SSBP3: variants seen among roughly 807,000 people sequenced by gnomAD.
SSBP3 encodes the protein single-stranded DNA-binding protein 3.
A neutral mutation model predicts 69.6 loss-of-function variants in SSBP3; 5 were observed. The ratio of observed to expected loss-of-function variants is 0.07; its 90% CI spans 0.04 to 0.15. SSBP3 has a LOEUF of 0.15. Ranked by LOEUF, SSBP3 falls within the 10% of genes least tolerant of loss-of-function variation. The probability of loss-of-function intolerance (pLI) is 1.00; values close to 1 mark genes in which losing one functional copy is unlikely to be tolerated. For missense variants in SSBP3, 312 were observed against 534.0 expected (o/e 0.58, Z 4.10); for synonymous variants, 196 against 193.4 (o/e 1.01, Z -0.11).
chr1:54,365,355 T>C (rs1647012730), intron 4 of SSBP3, among the ~76,000 whole-genome samples: 1 of 152,116 alleles, frequency 6.6e-6, no homozygotes, highest in Non-Finnish European at 1.5e-5. Flanking sequence ...TGTGCGTGTG[T>C]GTGTGTGTGT....
intron 4 of SSBP3, among the ~76,000 whole-genome samples, chr1:54,308,639 A>G (rs1446310039): frequency 1.3e-5 from 2 of 151,062 alleles, no homozygotes; most frequent in Non-Finnish European, 3.0e-5. Context: ...GTGGTGGCGC[A>G]CACCTGTAAT....
At chr1:54,378,902 C>G (rs909522275) in intron 4 of SSBP3, among the ~76,000 whole-genome samples, 2 of 152,232 alleles carry the variant, frequency 1.3e-5, no homozygotes, top group African/African-American at 4.8e-5. Flanking sequence ...ATTTCACTCA[C>G]ACAGCTCTGG....
At chr1:54,299,769 C>T (rs1271436039) in intron 4 of SSBP3, among the ~76,000 whole-genome samples, 1 of 151,358 alleles carries the variant, frequency 6.6e-6, no homozygotes, top group Non-Finnish European at 1.5e-5. Context: ...GTTTATTAGC[C>T]TTAATCTACT....
At chr1:54,387,298 T>C (rs992918605) in intron 4 of SSBP3, among the ~76,000 whole-genome samples, 1 of 152,192 alleles carries the variant, frequency 6.6e-6, no homozygotes, top group Admixed American at 6.5e-5. Flanking sequence ...ATTCGACTGC[T>C]TAAAGCTGAA....
At chr1:54,359,509 T>C (rs1241715853) in intron 4 of SSBP3, among the ~76,000 whole-genome samples, 2 of 152,154 alleles carry the variant, frequency 1.3e-5, no homozygotes, top group Non-Finnish European at 2.9e-5. Flanking sequence ...CTAGGATTCC[T>C]ACAGAGGACA....
chr1:54,350,271 T>A (rs1268890766), intron 4 of SSBP3, among the ~76,000 whole-genome samples: 2 of 152,210 alleles, frequency 1.3e-5, no homozygotes, highest in Non-Finnish European at 2.9e-5. Flanking sequence ...ATAATAATAG[T>A]GCCTCCCAAC....
intron 14 of SSBP3, among the ~76,000 whole-genome samples, chr1:54,231,355 G>A (rs1008363641): frequency 6.6e-6 from 1 of 152,202 alleles, no homozygotes; most frequent in Non-Finnish European, 1.5e-5. Flanking sequence ...TGTCCATTTA[G>A]ATCCTTGTCC....
intron 4 of SSBP3, among the ~76,000 whole-genome samples, chr1:54,289,027 AAAAAAAAAAC>A (rs1182196008): frequency 3.5e-4 from 27 of 76,144 alleles, no homozygotes; most frequent in Admixed American, 7.6e-4. Context: ...CTCCAAAAAA[AAAAAAAAAAC>A]AAAAAAACAA....
chr1:54,398,976 A>G (rs958948387), intron 4 of SSBP3, among the ~76,000 whole-genome samples: 1 of 152,232 alleles, frequency 6.6e-6, no homozygotes, highest in African/African-American at 2.4e-5. Context: ...TTTTCTAAAA[A>G]GTAGTTAAGG....
chr1:54,398,052 G>C (rs1649020564), intron 4 of SSBP3, among the ~76,000 whole-genome samples: 1 of 152,178 alleles, frequency 6.6e-6, no homozygotes, highest in African/African-American at 2.4e-5. Flanking sequence ...CTGTTTTGCA[G>C]GGATTCTTTA....
At chr1:54,398,356 C>T (rs369259848) in intron 4 of SSBP3, among the ~76,000 whole-genome samples, 18 of 152,374 alleles carry the variant, frequency 1.2e-4, no homozygotes, top group African/African-American at 4.3e-4. Context: ...AAAGGCCACT[C>T]ATTTCTTGGC....
At chr1:54,378,589 G>A (rs760774559) in intron 4 of SSBP3, among the ~76,000 whole-genome samples, 1 of 152,202 alleles carries the variant, frequency 6.6e-6, no homozygotes, top group African/African-American at 2.4e-5. Flanking sequence ...AACAGTCAAC[G>A]CCAAACTTCA....
At position 54,276,608 on chromosome 1, in the gene SSBP3, C is replaced by CAAAAAAAAAAAAAA. The variant is rs746933473; in HGVS notation, c.366+4816_366+4829dup. Among the ~76,000 whole-genome samples, 15 of 35,214 alleles carry CAAAAAAAAAAAAAA rather than the reference C, an allele frequency of 4.3e-4. 2 individuals are homozygous for CAAAAAAAAAAAAAA. Among genetic ancestry groups the CAAAAAAAAAAAAAA allele is most frequent in the African/African-American group, 2.1e-3 (14 of 6,692 alleles). The allele number at this position is 35,214 out of a possible 152,430, so 23.1% of individuals were successfully genotyped here. A position where few individuals can be genotyped will look rare whatever the true frequency, so the allele number is the denominator to read the frequency against. On this transcript the variant is annotated intron_variant, in intron 5 of 17. Transcript: ENST00000610401. ...TGGGTGACAGAGTGAGACTCTGTCT[C>CAAAAAAAAAAAAAA]AAAAAAAAAAAAAAAAAAAAAAAAA...
At chr1:54,388,672 T>A (rs1648259776) in intron 4 of SSBP3, among the ~76,000 whole-genome samples, 1 of 152,132 alleles carries the variant, frequency 6.6e-6, no homozygotes, top group Non-Finnish European at 1.5e-5. Context: ...GACCCCTGCC[T>A]TGGGATATAT....
At chr1:54,394,228 G>A (rs575630816) in intron 4 of SSBP3, among the ~76,000 whole-genome samples, 12 of 152,306 alleles carry the variant, frequency 7.9e-5, no homozygotes, top group Admixed American at 3.3e-4. Context: ...GAAACTTCAC[G>A]CAGGGCACCT....
At chr1:54,308,378 G>A (rs1052563385) in intron 4 of SSBP3, among the ~76,000 whole-genome samples, 3 of 151,726 alleles carry the variant, frequency 2.0e-5, no homozygotes, top group African/African-American at 7.3e-5. Context: ...AAGGTGGGTG[G>A]ATCATGAGGT....
chr1:54,369,221 G>GGT (rs1553146719), intron 4 of SSBP3, among the ~76,000 whole-genome samples: 1 of 150,516 alleles, frequency 6.6e-6, no homozygotes, highest in African/African-American at 2.5e-5. Context: ...CTTGAGTCGG[G>GGT]GGGGGGGCCC....
chr1:54,399,858 T>C (rs1260414124), intron 4 of SSBP3, among the ~76,000 whole-genome samples: 1 of 152,186 alleles, frequency 6.6e-6, no homozygotes, highest in Non-Finnish European at 1.5e-5. Context: ...TCCAACTCAA[T>C]GCTACCCCTT....
chr1:54,250,124 C>T (rs1488739358), intron 9 of SSBP3, among the ~76,000 whole-genome samples: 12 of 152,232 alleles, frequency 7.9e-5, no homozygotes, highest in Non-Finnish European at 1.2e-4. Flanking sequence ...GGCAGCCCTG[C>T]AGAGGTCAGC....
Sources: allele counts gnomAD v4.1 joint callset (sites outside exome capture counted in the v4.1 genomes callset), GRCh38; gene constraint gnomAD v4.1.1; transcripts MANE v1.5; gene names NCBI Gene and HGNC (gene_info 2026-07-23, HGNC 2026-07-21).